The following PAK1 variants were observed in gnomAD, a reference collection of about 807,000 sequenced individuals.
PAK1 encodes serine/threonine-protein kinase PAK 1.
A neutral mutation model predicts 67.4 loss-of-function variants in PAK1; 29 were observed. That is an observed-to-expected ratio of 0.43 (90% confidence interval 0.32 to 0.59). The LOEUF is 0.59. PAK1 is among the 20% of genes least tolerant of loss of function. The probability of loss-of-function intolerance (pLI) is 0.07; values close to 1 mark genes in which losing one functional copy is unlikely to be tolerated. For missense variants in PAK1, 337 were observed against 670.7 expected (o/e 0.50, Z 5.50); for synonymous variants, 223 against 237.4 (o/e 0.94, Z 0.56).
chr11:77,413,366 T>C lies in PAK1; in HGVS notation c.-21-20825A>G, dbSNP rs192211173. Among the ~76,000 whole-genome samples the C allele has an allele frequency of 2.9e-3, 448 of 152,298 alleles. 1 individual carries two copies. The highest frequency in any genetic ancestry group is 0.01 in the African/African-American group (433 of 41,544). ...AATGTAAAAAGAAGCAAGCCTATTT[T>C]CTAAAGACACAGCTTGGAAGAAGCA... On this transcript the variant is annotated intron_variant, in intron 1 of 14. Coordinates refer to ENST00000356341, the MANE Select transcript of PAK1 (RefSeq NM_002576.5).
the PAK1 span, among the ~76,000 whole-genome samples, chr11:77,483,636 T>G: frequency 6.6e-6 from 1 of 152,232 alleles, no homozygotes; most frequent in South Asian, 2.1e-4. Flanking sequence ...TTCACACAAC[T>G]GCATAGATTT....
At chr11:77,325,237 T>C (rs1258481411) in intron 14 of PAK1, 13 of 1,511,622 alleles carry the variant, frequency 8.6e-6, no homozygotes, top group East Asian at 2.3e-5. Context: ...GGGCTTCCAG[T>C]TGTGATACTC....
At chr11:77,522,501 C>T in the PAK1 span, among the ~76,000 whole-genome samples, 1 of 152,138 alleles carries the variant, frequency 6.6e-6, no homozygotes, top group Non-Finnish European at 1.5e-5. Context: ...TGGAGAAATG[C>T]AGATCAAAAC....
At chr11:77,381,322 G>A (rs1300061769) in intron 2 of PAK1, among the ~76,000 whole-genome samples, 1 of 152,154 alleles carries the variant, frequency 6.6e-6, no homozygotes, top group Admixed American at 6.5e-5. Flanking sequence ...TCAAAGCTCT[G>A]CAGTTAAGAT....
At chr11:77,445,416 T>C (rs906493623) in intron 1 of PAK1, among the ~76,000 whole-genome samples, 2 of 152,216 alleles carry the variant, frequency 1.3e-5, no homozygotes, top group Non-Finnish European at 2.9e-5. Context: ...GTTTATTTGG[T>C]GGCACTGTTC....
At chr11:77,369,632 G>C (rs1376015219) in intron 5 of PAK1, among the ~76,000 whole-genome samples, 1 of 151,672 alleles carries the variant, frequency 6.6e-6, no homozygotes, top group African/African-American at 2.4e-5. Flanking sequence ...ATTTTTAGTA[G>C]AGATGGGGTT....
the PAK1 span, among the ~76,000 whole-genome samples, chr11:77,524,835 A>C: frequency 6.6e-6 from 1 of 152,162 alleles, no homozygotes; most frequent in African/African-American, 2.4e-5. Flanking sequence ...CTGACACACA[A>C]ATGTTTGTCA....
At chr11:77,505,280 C>T in the PAK1 span, among the ~76,000 whole-genome samples, 368 of 152,096 alleles carry the variant, frequency 2.4e-3, no homozygotes, top group African/African-American at 6.5e-3. Flanking sequence ...CGCCACCTCC[C>T]GGGTTCAAGC....
At chr11:77,400,136 G>A (rs1454306021) in intron 1 of PAK1, among the ~76,000 whole-genome samples, 1 of 151,402 alleles carries the variant, frequency 6.6e-6, no homozygotes, top group Non-Finnish European at 1.5e-5. Flanking sequence ...TTAGTATATA[G>A]TGCTTGGCCC....
chr11:77,498,498 A>G, the PAK1 span, among the ~76,000 whole-genome samples: 1 of 124,142 alleles, frequency 8.1e-6, no homozygotes, highest in Non-Finnish European at 1.6e-5. Flanking sequence ...ACACACACAC[A>G]TGGTGCCACG....
chr11:77,495,950 A>G, the PAK1 span, among the ~76,000 whole-genome samples: 1 of 151,862 alleles, frequency 6.6e-6, no homozygotes, highest in African/African-American at 2.4e-5. Flanking sequence ...GGTGGAAAGT[A>G]TTCTGAAGAT....
chr11:77,507,809 A>G, the PAK1 span, among the ~76,000 whole-genome samples: 1 of 152,216 alleles, frequency 6.6e-6, no homozygotes, highest in Non-Finnish European at 1.5e-5. Flanking sequence ...TACACGCATG[A>G]GCCACCACAC....
At chr11:77,476,741 T>A (rs376261234), upstream of PAK1, 140 of 152,340 alleles carry the variant, frequency 9.2e-4, 3 homozygotes, top group African/African-American at 3.3e-3. Context: ...TCCCAGCACT[T>A]TGGGAGGCCG....
intron 5 of PAK1, among the ~76,000 whole-genome samples, chr11:77,364,702 A>T (rs191625379): frequency 6.6e-5 from 10 of 152,292 alleles, no homozygotes; most frequent in Admixed American, 2.6e-4. Context: ...AAAAGCAATC[A>T]ACAGGAACTC....
intron 5 of PAK1, among the ~76,000 whole-genome samples, chr11:77,372,158 C>A (rs1002089552): frequency 1.3e-5 from 2 of 152,214 alleles, no homozygotes; most frequent in Non-Finnish European, 2.9e-5. Flanking sequence ...TGATAGCTAT[C>A]ACTCTTCCTA....
At chr11:77,353,283 GA>G in intron 8 of PAK1, 1 of 395,144 alleles carries the variant, frequency 2.5e-6, no homozygotes, top group Non-Finnish European at 4.6e-6. Flanking sequence ...TTTGTGCTAA[GA>G]AAAAAAACCG....
chr11:77,415,147 T>G lies in PAK1; in HGVS notation c.-21-22606A>C, dbSNP rs181865207. Among the ~76,000 whole-genome samples, 237 of 152,344 alleles carry G rather than the reference T, an allele frequency of 1.6e-3. 2 individuals carry two copies. Among genetic ancestry groups the G allele is most frequent in the African/African-American group, 5.5e-3 (230 of 41,586 alleles). ...AAAGATGCTCAGCATCTTTTATCATTAGAGAACTGCAAATTAAAACAATGA... is the reference window on the plus strand; with the variant it reads ...AAAGATGCTCAGCATCTTTTATCATGAGAGAACTGCAAATTAAAACAATGA... On this transcript the variant is annotated intron_variant, in intron 1 of 14. Transcript: ENST00000356341.
At chr11:77,416,731 A>G (rs1954976467) in intron 1 of PAK1, among the ~76,000 whole-genome samples, 1 of 152,224 alleles carries the variant, frequency 6.6e-6, no homozygotes, top group African/African-American at 2.4e-5. Context: ...AGGTGGGCGG[A>G]TCACGAAGTC....
chr11:77,494,645 C>G, the PAK1 span, among the ~76,000 whole-genome samples: 1 of 148,022 alleles, frequency 6.8e-6, no homozygotes, highest in African/African-American at 2.5e-5. Flanking sequence ...TGTGGAGAAA[C>G]TGGAATCCTT....
Sources: allele counts gnomAD v4.1 joint callset (sites outside exome capture counted in the v4.1 genomes callset), GRCh38; gene constraint gnomAD v4.1.1; transcripts MANE v1.5; gene names NCBI Gene and HGNC (gene_info 2026-07-23, HGNC 2026-07-21).